MEIS2: variants seen among roughly 807,000 people sequenced by gnomAD.
The protein encoded by MEIS2 is homeobox protein Meis2.
In MEIS2, 9 loss-of-function variants were observed where a neutral mutation model predicts 58.6. The observed-to-expected ratio is 0.15, with a 90% confidence interval of 0.09 to 0.27. MEIS2 has a LOEUF of 0.27. Among genes scored for constraint, MEIS2 ranks in the 10% least tolerant of loss-of-function variants. The pLI is 1.00. For synonymous variants in MEIS2, 221 were observed against 228.4 expected, an observed-to-expected ratio of 0.97 and a Z score of 0.29; for missense variants, 427 against 635.0, an observed-to-expected ratio of 0.67 and a Z score of 3.52.
chr15:37,074,857 C>G (rs994650033), intron 7 of MEIS2, among the ~76,000 whole-genome samples: 4 of 152,026 alleles, frequency 2.6e-5, no homozygotes, highest in Non-Finnish European at 5.9e-5. Context: ...TAGGTCTCGA[C>G]TCATAGTTCA....
intron 8 of MEIS2, among the ~76,000 whole-genome samples, chr15:37,034,131 AAG>A (rs1276119755): frequency 2.0e-5 from 3 of 152,036 alleles, no homozygotes; most frequent in African/African-American, 4.8e-5. Flanking sequence ...GAAAGGGGGA[AAG>A]AGAGGAAAGA....
intron 9 of MEIS2, among the ~76,000 whole-genome samples, chr15:36,948,731 C>A (rs1220458315): frequency 2.0e-5 from 3 of 151,882 alleles, no homozygotes; most frequent in Admixed American, 6.6e-5. Context: ...CTGTTTCAGA[C>A]CACTGATAAC....
intron 8 of MEIS2, among the ~76,000 whole-genome samples, chr15:37,025,024 T>C (rs568351657): frequency 6.6e-6 from 1 of 152,348 alleles, no homozygotes; most frequent in East Asian, 1.9e-4. Context: ...CACATATGAA[T>C]GGTCTGTCAG....
intron 7 of MEIS2, among the ~76,000 whole-genome samples, chr15:37,051,257 T>C (rs180891188): frequency 3.9e-5 from 6 of 152,344 alleles, no homozygotes; most frequent in Middle Eastern, 3.4e-3. Context: ...AACTGTGGTA[T>C]ATCCACACAC....
intron 8 of MEIS2, among the ~76,000 whole-genome samples, chr15:36,981,867 A>G (rs2141510833): frequency 6.6e-6 from 1 of 152,224 alleles, no homozygotes; most frequent in Admixed American, 6.5e-5. Context: ...GAGCTGGGAC[A>G]TCATTTTCTC....
At chr15:37,021,370 T>C (rs1005866699) in intron 8 of MEIS2, among the ~76,000 whole-genome samples, 1 of 152,152 alleles carries the variant, frequency 6.6e-6, no homozygotes, top group African/African-American at 2.4e-5. Flanking sequence ...TGTTGACTTT[T>C]AAGCCACTCC....
In MEIS2 at chr15:37,095,564, C is replaced by G; in HGVS notation, c.438G>C (p.Leu146Phe). 1 of 1,614,182 alleles carries G rather than the reference C, an allele frequency of 6.2e-7. No homozygotes were observed. ...LFSSNPELDN[L>F]MIQAIQVLRF... ...AAAAACAAGGAACAGAGAGCCTTACCAAATTGTCCAGCTCTGGATTTGAGG... is the reference window on the plus strand; with the variant it reads ...AAAAACAAGGAACAGAGAGCCTTACGAAATTGTCCAGCTCTGGATTTGAGG... The change falls in exon 4 of 12, where the codon TTG (leucine) becomes TTC (phenylalanine). Residue 146 changes from leucine (L) to phenylalanine (F), a missense_variant and splice_region_variant. By Grantham distance (22) the Leu-to-Phe change is conservative. This residue lies in a region of MEIS2 where 138 missense variants were observed against 263.0 expected (regional missense o/e 0.52). Transcript: ENST00000561208.
At chr15:37,082,317 C>T (rs1337874142) in intron 7 of MEIS2, among the ~76,000 whole-genome samples, 2 of 152,156 alleles carry the variant, frequency 1.3e-5, no homozygotes, top group African/African-American at 4.8e-5. Context: ...ACCATTAAGT[C>T]GGCTTCTCCT....
At chr15:37,099,335 C>T (rs892892016) in intron 1 of MEIS2, 120 bp downstream of exon 1, 10 of 1,563,036 alleles carry the variant, frequency 6.4e-6, no homozygotes, top group Admixed American at 2.0e-5. Flanking sequence ...TTTTAAAATA[C>T]TGGCCGCCAT....
rs1893958973 is a variant in MEIS2, at chr15:37,094,536, C to T, written c.480G>A (p.Glu160=). ...AIQVLRFHLL[E]LEKVHELCDN... is the part of the protein sequence containing the mutation. Reference sequence around the variant, plus strand: ...GTTATTTCCTGCTTACCTTTTCTAACTCCAAAAGATGAAACCTTAGTACTT... The same window carrying T: ...GTTATTTCCTGCTTACCTTTTCTAATTCCAAAAGATGAAACCTTAGTACTT... Residue 160 remains glutamate, a synonymous_variant, in exon 5 of 12, where the codon GAG becomes GAA. Coordinates refer to ENST00000561208, the MANE Select transcript of MEIS2 (RefSeq NM_170675.5). The T allele has an allele frequency of 6.2e-7, 1 of 1,613,126 alleles. No homozygotes were observed. The highest frequency in any genetic ancestry group is 8.5e-7 in the Non-Finnish European group (1 of 1,179,568).
At chr15:36,895,033 G>T in intron 11 of MEIS2, 118 bp downstream of exon 11, 1 of 957,156 alleles carries the variant, frequency 1.0e-6, no homozygotes, top group Non-Finnish European at 1.6e-6. Context: ...AGCAGGCAGA[G>T]CAGGCAGCAG....
chr15:36,912,274 C>T (rs1169122080), intron 9 of MEIS2, among the ~76,000 whole-genome samples: 1 of 152,188 alleles, frequency 6.6e-6, no homozygotes, highest in Non-Finnish European at 1.5e-5. Flanking sequence ...AAACCAAATA[C>T]ATTTAATTAA....
chr15:36,963,538 T>C (rs1160052749), intron 8 of MEIS2, among the ~76,000 whole-genome samples: 1 of 152,158 alleles, frequency 6.6e-6, no homozygotes, highest in Non-Finnish European at 1.5e-5. Flanking sequence ...TTTCATACAG[T>C]GTAGAGCACA....
intron 8 of MEIS2, among the ~76,000 whole-genome samples, chr15:37,002,747 C>T (rs763419098): frequency 6.6e-6 from 1 of 152,034 alleles, no homozygotes; most frequent in African/African-American, 2.4e-5. Flanking sequence ...CTTACATTTA[C>T]TTTCATTTAA....
At chr15:37,090,102 T>A (rs1337959661) in intron 6 of MEIS2, among the ~76,000 whole-genome samples, 3 of 152,144 alleles carry the variant, frequency 2.0e-5, no homozygotes, top group African/African-American at 7.2e-5. Flanking sequence ...TTCCTTCGAC[T>A]ATTATATATT....
At chr15:37,027,197 T>C (rs1307135930) in intron 8 of MEIS2, among the ~76,000 whole-genome samples, 1 of 152,222 alleles carries the variant, frequency 6.6e-6, no homozygotes, top group African/African-American at 2.4e-5. Context: ...TTACACTTCA[T>C]AATCTGTTCC....
chr15:37,082,897 G>A (rs2141914565), intron 7 of MEIS2, among the ~76,000 whole-genome samples: 1 of 152,172 alleles, frequency 6.6e-6, no homozygotes, highest in South Asian at 2.1e-4. Flanking sequence ...CTACTTGGAA[G>A]CCTGTCTAAG....
At chr15:37,010,961 C>A (rs1471484188) in intron 8 of MEIS2, among the ~76,000 whole-genome samples, 4 of 152,186 alleles carry the variant, frequency 2.6e-5, no homozygotes, top group African/African-American at 7.2e-5. Context: ...TCTCCTTTTG[C>A]CCATCTCTCT....
At chr15:36,942,667 G>C (rs775266711) in intron 9 of MEIS2, among the ~76,000 whole-genome samples, 6 of 152,086 alleles carry the variant, frequency 3.9e-5, no homozygotes, top group Non-Finnish European at 4.4e-5. Context: ...AGAGGATCTG[G>C]TCTAAAGACT....
Sources: gnomAD v4.1 joint callset for allele counts (sites outside exome capture counted in the v4.1 genomes callset) on GRCh38, gnomAD v4.1.1 for gene constraint, gnomAD v4.1.1 regional missense constraint, MANE v1.5 for transcripts, NCBI Gene and HGNC (gene_info 2026-07-23, HGNC 2026-07-21) for gene names.